PUM3: variants seen among roughly 807,000 people sequenced by gnomAD.
PUM3 encodes pumilio RNA binding family member 3.
Under a neutral mutation model 84.0 loss-of-function variants are expected in PUM3, and 91 were observed. That is an observed-to-expected ratio of 1.08 (90% CI 0.91 to 1.29). The LOEUF (loss-of-function observed/expected upper bound fraction) is 1.29. PUM3 is among the 50% of genes most tolerant of loss of function. PUM3 has a pLI of 0.00. For synonymous variants in PUM3, 321 were observed against 266.7 expected (o/e 1.20, Z -1.98); for missense variants, 1,067 against 767.5 (o/e 1.39, Z -4.61).
In PUM3 at chr9:2,831,352, A is replaced by G; in HGVS notation, c.517-8T>C. ...ATCGTGTGCAAATGCAATCTGCAGG[A>G]AAAAGTTTGAGTTAGACTAATTCTC... On this transcript the variant is annotated splice_region_variant and splice_polypyrimidine_tract_variant and intron_variant, in intron 5 of 17. Transcript: ENST00000397885. 1 of 1,576,274 alleles carries G rather than the reference A, an allele frequency of 6.3e-7. No homozygotes were observed. Among genetic ancestry groups the G allele is most frequent in the East Asian group, 2.2e-5 (1 of 44,578 alleles).
chr9:2,804,207 G>A lies in PUM3; in HGVS notation c.*124C>T. 2 of 882,308 alleles carry A rather than the reference G, an allele frequency of 2.3e-6. No individual in the cohort carries two copies. Among genetic ancestry groups the A allele is most frequent in the Non-Finnish European group, 3.3e-6 (2 of 600,130 alleles). The allele number at this position is 882,308 out of a possible 1,614,324, so 54.7% of individuals were successfully genotyped here. On this transcript the variant is annotated 3_prime_UTR_variant, in exon 18 of 18. Transcript: ENST00000397885. ...TTATATAAATAGATTCGTATACAAA[G>A]AAGAAACACATATACAGAGTACCCC...
chr9:2,836,390 T>A (rs181282940), intron 3 of PUM3, among the ~76,000 whole-genome samples: 1 of 152,296 alleles, frequency 6.6e-6, no homozygotes, highest in Non-Finnish European at 1.5e-5. Flanking sequence ...TGGAAACTGC[T>A]TGTTTGAGAT....
At chr9:2,810,478 T>C (rs778912517) in intron 15 of PUM3, 47 bp from the exon 16 acceptor site, 36 of 1,307,306 alleles carry the variant, frequency 2.8e-5, no homozygotes, top group Non-Finnish European at 3.8e-5. Context: ...TTTTCATTCA[T>C]ACAAATACAT....
intron 17 of PUM3, among the ~76,000 whole-genome samples, chr9:2,806,955 T>A (rs1418667540): frequency 6.6e-6 from 1 of 152,104 alleles, no homozygotes; most frequent in East Asian, 1.9e-4. Context: ...ATGCCTGTAA[T>A]CCCAGCACTT....
At chr9:2,819,018 G>C (rs972329866) in intron 13 of PUM3, among the ~76,000 whole-genome samples, 4 of 152,146 alleles carry the variant, frequency 2.6e-5, no homozygotes, top group African/African-American at 7.2e-5. Context: ...TCATCACTAA[G>C]ATTTCTCCAA....
At chr9:2,822,897 C>A (rs74351717) in intron 12 of PUM3, among the ~76,000 whole-genome samples, 6,075 of 151,308 alleles carry the variant, frequency 0.04, 136 homozygotes, top group East Asian at 0.069. Context: ...ATTTCTAGCC[C>A]AACAGAAGAC....
intron 1 of PUM3, 140 bp downstream of exon 1, chr9:2,843,901 CCAGT>C (rs1816336098): frequency 6.5e-6 from 1 of 153,690 alleles, no homozygotes; most frequent in African/African-American, 2.4e-5. Flanking sequence ...TTGCCAGGCT[CCAGT>C]CAGTCCCAAA....
intron 10 of PUM3, among the ~76,000 whole-genome samples, chr9:2,826,333 A>T (rs1320662808): frequency 8.5e-5 from 13 of 152,172 alleles, no homozygotes; most frequent in Non-Finnish European, 1.5e-5. Context: ...AAGTAAGAAA[A>T]ATCTCCAAAA....
At chr9:2,818,733 T>C (rs755482772) in intron 13 of PUM3, among the ~76,000 whole-genome samples, 5 of 152,096 alleles carry the variant, frequency 3.3e-5, no homozygotes, top group Non-Finnish European at 7.4e-5. Context: ...CACAATCCTA[T>C]CCCAAAGAAA....
chr9:2,839,019 G>A (rs1816202715), intron 1 of PUM3, among the ~76,000 whole-genome samples: 1 of 152,160 alleles, frequency 6.6e-6, no homozygotes, highest in Non-Finnish European at 1.5e-5. Context: ...ATCCAACACA[G>A]CTAAAACAAA....
chr9:2,822,709 AT>A (rs1422254609), intron 12 of PUM3, among the ~76,000 whole-genome samples: 1 of 124,474 alleles, frequency 8.0e-6, no homozygotes, highest in East Asian at 2.3e-4. Flanking sequence ...ATAATTATGA[AT>A]TATATTTATA....
chr9:2,818,596 C>G (rs1377022731), intron 13 of PUM3, among the ~76,000 whole-genome samples: 4 of 152,190 alleles, frequency 2.6e-5, no homozygotes. Context: ...ATTCTATGGC[C>G]TCACATCTCT....
In PUM3 at chr9:2,811,601, C is replaced by CG. The variant is rs1821376351; in HGVS notation, c.1413-19dup. 6.3e-7 allele frequency: 1 copy of CG among 1,588,342 alleles called. No homozygotes were observed. Among genetic ancestry groups the CG allele is most frequent in the Non-Finnish European group, 8.6e-7 (1 of 1,157,448 alleles). On this transcript the variant is annotated intron_variant, in intron 14 of 17. Transcript: ENST00000397885. ...CTTTCTTACTGTTGAGTATGTTGAA[C>CG]GGGGTATTAAGGTAAGATAAATCGC...
intron 13 of PUM3, among the ~76,000 whole-genome samples, chr9:2,817,162 A>G (rs899256069): frequency 6.6e-6 from 1 of 152,260 alleles, no homozygotes; most frequent in Non-Finnish European, 1.5e-5. Flanking sequence ...ATTAAGAATT[A>G]AAGTTAGTTT....
intron 14 of PUM3, 104 bp from the exon 15 acceptor site, chr9:2,811,687 A>C (rs1821378001): frequency 6.9e-6 from 5 of 720,960 alleles, no homozygotes. Flanking sequence ...ACTGTATCGC[A>C]CTCTATTATT....
At chr9:2,819,389 G>T (rs1821537249) in intron 13 of PUM3, among the ~76,000 whole-genome samples, 2 of 152,166 alleles carry the variant, frequency 1.3e-5, no homozygotes, top group South Asian at 4.1e-4. Context: ...CCACTTTATG[G>T]CCACTACACT....
At chr9:2,818,332 G>C (rs1306579988) in intron 13 of PUM3, among the ~76,000 whole-genome samples, 1 of 152,224 alleles carries the variant, frequency 6.6e-6, no homozygotes, top group Non-Finnish European at 1.5e-5. Flanking sequence ...AAGAATGTGG[G>C]TTAAGCAGTT....
intron 17 of PUM3, among the ~76,000 whole-genome samples, chr9:2,805,326 G>C: frequency 6.6e-6 from 1 of 152,172 alleles, no homozygotes; most frequent in Non-Finnish European, 1.5e-5. Context: ...GGTAACAGCA[G>C]GCCCATTTCT....
At chr9:2,805,559 G>GA (rs1462969409) in intron 17 of PUM3, among the ~76,000 whole-genome samples, 3 of 152,164 alleles carry the variant, frequency 2.0e-5, no homozygotes, top group Non-Finnish European at 4.4e-5. Flanking sequence ...TGGGAGATAA[G>GA]AAACAATTCA....
Sources: gnomAD v4.1 joint callset for allele counts (sites outside exome capture counted in the v4.1 genomes callset) on GRCh38, gnomAD v4.1.1 for gene constraint, MANE v1.5 for transcripts, NCBI Gene and HGNC (gene_info 2026-07-23, HGNC 2026-07-21) for gene names.